Variants in ATPSCKMT observed in about 807,000 individuals in gnomAD.
ATPSCKMT encodes ATP synthase c subunit lysine N-methyltransferase.
ATPSCKMT carries 24 observed loss-of-function variants against 24.3 expected under a neutral mutation model. The observed-to-expected ratio is 0.99, with a 90% confidence interval of 0.71 to 1.39. The LOEUF (loss-of-function observed/expected upper bound fraction) is 1.39, where lower values mean the gene tolerates loss of function less well. Among genes scored for constraint, ATPSCKMT ranks in the 40% most tolerant of loss-of-function variants. The pLI, the probability that ATPSCKMT is intolerant of heterozygous loss-of-function variation, is 0.00. For synonymous variants in ATPSCKMT, 95 were observed against 110.5 expected (o/e 0.86, Z 0.88); for missense variants, 311 against 298.4 (o/e 1.04, Z -0.31).
chr5:10,236,453 T>A, intron 3 of ATPSCKMT, 25 bp downstream of exon 3: 2 of 1,608,764 alleles, frequency 1.2e-6, no homozygotes, highest in Non-Finnish European at 1.7e-6. Flanking sequence ...TGGATTTCTC[T>A]AGGGCCATTC....
At chr5:10,240,306 C>T (rs1744581167) in intron 1 of ATPSCKMT, among the ~76,000 whole-genome samples, 1 of 152,092 alleles carries the variant, frequency 6.6e-6, no homozygotes, top group Non-Finnish European at 1.5e-5. Context: ...ACGCAGACCC[C>T]AATCACTGAT....
At chr5:10,248,590 C>T (rs1266414737) in intron 1 of ATPSCKMT, 1 of 152,268 alleles carries the variant, frequency 6.6e-6, no homozygotes, top group Non-Finnish European at 1.5e-5. Flanking sequence ...GCTCTGTCGC[C>T]CAGGATGGAG....
chr5:10,245,592 A>T (rs1299414299), intron 1 of ATPSCKMT, among the ~76,000 whole-genome samples: 1 of 151,928 alleles, frequency 6.6e-6, no homozygotes, highest in Non-Finnish European at 1.5e-5. Flanking sequence ...CCAAAAATGC[A>T]AAAAATTAGC....
rs1357268497 is a variant in ATPSCKMT at position 10,226,098 on chromosome 5, C to T, written c.*1343G>A. Among the ~76,000 whole-genome samples, 1 of 152,146 alleles carries T rather than the reference C, an allele frequency of 6.6e-6. No homozygotes were observed. The highest frequency in any genetic ancestry group is 1.5e-5 in the Non-Finnish European group (1 of 68,006). ...CCCTCATCTCAGACTCACACAGGTG[C>T]TCTCTACACCATCACACTGTTTACT... On this transcript the variant is annotated 3_prime_UTR_variant, in exon 5 of 5. Transcript: ENST00000511437.
intron 1 of ATPSCKMT, among the ~76,000 whole-genome samples, chr5:10,242,573 A>C (rs1443260058): frequency 6.6e-6 from 1 of 152,182 alleles, no homozygotes; most frequent in Non-Finnish European, 1.5e-5. Context: ...CCAAACTCCT[A>C]TTAATGTTGA....
chr5:10,248,733 T>C (rs779080364), intron 1 of ATPSCKMT, among the ~76,000 whole-genome samples: 4 of 152,258 alleles, frequency 2.6e-5, no homozygotes, highest in Non-Finnish European at 4.4e-5. Context: ...TCAAATGTTA[T>C]AGTGCATGTA....
chr5:10,249,813 C>T (rs1007307051), intron 1 of ATPSCKMT, 45 bp downstream of exon 1: 3 of 1,544,962 alleles, frequency 1.9e-6, no homozygotes, highest in Admixed American at 2.1e-5. Context: ...CCGCCCGCAC[C>T]CCTTCTCATG....
rs1460669580 is a variant in ATPSCKMT, at chr5:10,226,745, T to G, written c.*696A>C. The G allele has an allele frequency of 6.6e-6, 1 of 152,272 alleles. No individual in the cohort carries two copies. The highest frequency in any genetic ancestry group is 1.5e-5 in the Non-Finnish European group (1 of 68,082). 9.4% of individuals were successfully genotyped at this position (152,272 alleles called of 1,614,324 possible). On this transcript the variant is annotated 3_prime_UTR_variant, in exon 5 of 5. Coordinates refer to ENST00000511437, the MANE Select transcript of ATPSCKMT (RefSeq NM_199133.4). ...GAAATTGGTCCCCACTCCACTGTTA[T>G]GTGTACCATTATCCCAGTGGCAGAG...
chr5:10,240,190 C>A (rs1260413293), intron 1 of ATPSCKMT, among the ~76,000 whole-genome samples: 1 of 150,766 alleles, frequency 6.6e-6, no homozygotes, highest in African/African-American at 2.4e-5. Context: ...GCCGAGATCG[C>A]ACCACTGCAC....
chr5:10,237,656 G>C lies in ATPSCKMT; in HGVS notation c.307-1041C>G, dbSNP rs189072454. The stretch of plus-strand genomic sequence containing the variant: ...CCACCATGATTGTGAGGCCTCCCCA[G>C]CTGTGTAAAACCGTAAGTCTAATCA... On this transcript the variant is annotated intron_variant, in intron 2 of 4. Coordinates refer to ENST00000511437, the MANE Select transcript of ATPSCKMT (RefSeq NM_199133.4). Among the ~76,000 whole-genome samples the C allele has an allele frequency of 3.0e-4, 46 of 152,268 alleles. No individual in the cohort carries two copies. The East Asian group carries it at 7.9e-3, about 26-fold the overall frequency.
chr5:10,243,160 T>C (rs1396294156), intron 1 of ATPSCKMT, among the ~76,000 whole-genome samples: 1 of 152,226 alleles, frequency 6.6e-6, no homozygotes, highest in African/African-American at 2.4e-5. Flanking sequence ...GATTTCTCTC[T>C]AGCTTCCAAT....
At chr5:10,233,883 T>C (rs1744263730) in intron 4 of ATPSCKMT, among the ~76,000 whole-genome samples, 1 of 152,218 alleles carries the variant, frequency 6.6e-6, no homozygotes, top group Non-Finnish European at 1.5e-5. Context: ...TGCGTATCAA[T>C]CTATGATCCC....
chr5:10,249,736 A>T, intron 1 of ATPSCKMT, 122 bp downstream of exon 1: 1 of 1,430,190 alleles, frequency 7.0e-7, no homozygotes, highest in Non-Finnish European at 9.3e-7. Context: ...GCTGGAGGCC[A>T]GAGCAGCCGC....
At position 10,227,436 on chromosome 5, in the gene ATPSCKMT, C is replaced by A. The variant is rs2136197; in HGVS notation, c.*5G>T. On this transcript the variant is annotated 3_prime_UTR_variant, in exon 5 of 5. Coordinates refer to ENST00000511437, the MANE Select transcript of ATPSCKMT (RefSeq NM_199133.4). Reference sequence around the variant, plus strand: ...AATATTTCAGAAAAACACTCCCAGTCAAGTTTATGCTTGAATGGGCAGCTG... The same window carrying A: ...AATATTTCAGAAAAACACTCCCAGTAAAGTTTATGCTTGAATGGGCAGCTG... The A allele has an allele frequency of 0.96, 1,549,138 of 1,613,800 alleles. 743,979 individuals are homozygous for A. The highest frequency in any genetic ancestry group is 0.99 in the African/African-American group (74,535 of 75,046).
At chr5:10,236,979 T>A in intron 2 of ATPSCKMT, 1 of 1,314,074 alleles carries the variant, frequency 7.6e-7, no homozygotes, top group Non-Finnish European at 9.9e-7. Context: ...ACAGCAGCAG[T>A]GAAATGAAAG....
intron 4 of ATPSCKMT, among the ~76,000 whole-genome samples, chr5:10,230,131 G>C (rs966542035): frequency 1.1e-5 from 1 of 91,454 alleles, no homozygotes; most frequent in Non-Finnish European, 2.6e-5. Flanking sequence ...ATAACCAAGT[G>C]CTCAGAAAAA....
At chr5:10,233,737 G>T (rs1744257054) in intron 4 of ATPSCKMT, among the ~76,000 whole-genome samples, 1 of 152,082 alleles carries the variant, frequency 6.6e-6, no homozygotes, top group Admixed American at 6.6e-5. Flanking sequence ...CACAACGCAT[G>T]GAATTTCCAG....
At chr5:10,236,248 GTAAA>G in intron 3 of ATPSCKMT, 1 of 389,448 alleles carries the variant, frequency 2.6e-6, no homozygotes. Context: ...TTTTAATTTA[GTAAA>G]TAAATTCTTG....
rs538177876 is a variant in ATPSCKMT at position 10,226,873 on chromosome 5, A to C, written c.*568T>G. On this transcript the variant is annotated 3_prime_UTR_variant, in exon 5 of 5. Transcript: ENST00000511437. ...ACCCACGTCAGGCTTACATTTACAC[A>C]TACATGTATACAAATGTACACATAT... The C allele has an allele frequency of 2.6e-5, 4 of 153,642 alleles. No homozygotes were observed. Among genetic ancestry groups the C allele is most frequent in the East Asian group, 1.9e-4 (1 of 5,208 alleles). The allele number at this position is 153,642 out of a possible 1,614,324, so 9.5% of individuals were successfully genotyped here.
Sources: allele counts gnomAD v4.1 joint callset (sites outside exome capture counted in the v4.1 genomes callset), GRCh38; gene constraint gnomAD v4.1.1; transcripts MANE v1.5; gene names NCBI Gene and HGNC (gene_info 2026-07-23, HGNC 2026-07-21).